The following MSI2 variants were observed in gnomAD, a reference collection of about 807,000 sequenced individuals.
MSI2 encodes the protein musashi RNA binding protein 2.
MSI2 carries 17 observed loss-of-function variants against 45.6 expected under a neutral mutation model. The observed-to-expected ratio is 0.37, with a 90% CI of 0.26 to 0.56. The LOEUF is 0.56. Ranked by LOEUF, MSI2 falls within the 20% of genes least tolerant of loss-of-function variation. The pLI, the probability that MSI2 is intolerant of heterozygous loss-of-function variation, is 0.77. For missense variants in MSI2, 293 were observed against 444.2 expected, an observed-to-expected ratio of 0.66 and a Z score of 3.06; for synonymous variants, 156 against 158.2, an observed-to-expected ratio of 0.99 and a Z score of 0.11.
rs1913595356 is a variant in MSI2 at position 57,681,553 on chromosome 17, A to G, written c.*2036A>G. On this transcript the variant is annotated 3_prime_UTR_variant, in exon 14 of 14. Transcript: ENST00000284073. ...GGTAGGGCAAAAGCATCTTCAAACTAAAGACTCCAAAATGCTAACTCAGAA... is the reference window on the plus strand; with the variant it reads ...GGTAGGGCAAAAGCATCTTCAAACTGAAGACTCCAAAATGCTAACTCAGAA... The G allele has an allele frequency of 1.1e-5, 2 of 182,432 alleles. 1 individual carries two copies. The allele number at this position is 182,432 out of a possible 1,614,324, so 11.3% of individuals were successfully genotyped here. A position where few individuals can be genotyped will look rare whatever the true frequency, so the allele number is the denominator to read the frequency against.
intron 7 of MSI2, among the ~76,000 whole-genome samples, chr17:57,546,201 C>A (rs181210871): frequency 6.6e-6 from 1 of 152,142 alleles, no homozygotes; most frequent in Non-Finnish European, 1.5e-5. Flanking sequence ...AGACAAGGTT[C>A]GGTGGTAATG....
At chr17:57,661,518 A>G (rs953003457) in intron 11 of MSI2, among the ~76,000 whole-genome samples, 1 of 152,116 alleles carries the variant, frequency 6.6e-6, no homozygotes, top group African/African-American at 2.4e-5. Context: ...CCATCTAAAG[A>G]AGATAAGCCT....
intron 5 of MSI2, among the ~76,000 whole-genome samples, chr17:57,384,867 A>C (rs1211314519): frequency 6.6e-6 from 1 of 152,204 alleles, no homozygotes; most frequent in Non-Finnish European, 1.5e-5. Flanking sequence ...TAACATACTC[A>C]AAGTGAACAC....
At chr17:57,573,844 T>C (rs2087943207) in intron 7 of MSI2, among the ~76,000 whole-genome samples, 1 of 152,178 alleles carries the variant, frequency 6.6e-6, no homozygotes, top group Admixed American at 6.5e-5. Context: ...AGCATCTGAT[T>C]CCTCATTTGT....
chr17:57,643,201 C>A (rs1286651167), intron 10 of MSI2, among the ~76,000 whole-genome samples: 1 of 152,142 alleles, frequency 6.6e-6, no homozygotes, highest in Non-Finnish European at 1.5e-5. Context: ...GGAGGAATTT[C>A]CGTGGAATTC....
chr17:57,449,019 G>T (rs2084949300), intron 6 of MSI2: 1 of 152,256 alleles, frequency 6.6e-6, no homozygotes, highest in African/African-American at 2.4e-5. Flanking sequence ...ATCATGAGCG[G>T]CATCATGATT....
chr17:57,668,618 AC>A (rs1169766355), intron 11 of MSI2, among the ~76,000 whole-genome samples: 2 of 69,146 alleles, frequency 2.9e-5, no homozygotes, highest in African/African-American at 1.4e-4. Context: ...GCATGCACAG[AC>A]AACTCACCAT....
chr17:57,256,305 C>T (rs917322906), upstream of MSI2, among the ~76,000 whole-genome samples: 5 of 151,542 alleles, frequency 3.3e-5, no homozygotes, highest in African/African-American at 1.2e-4. Flanking sequence ...GGGGTTCGCG[C>T]GCCACCCTTG....
At chr17:57,464,921 T>C (rs1430877401) in intron 6 of MSI2, among the ~76,000 whole-genome samples, 2 of 152,190 alleles carry the variant, frequency 1.3e-5, no homozygotes, top group African/African-American at 4.8e-5. Context: ...TGAGATACTG[T>C]CGTGAAAGCC....
chr17:57,518,528 G>T (rs895814617), intron 6 of MSI2, among the ~76,000 whole-genome samples: 1 of 152,310 alleles, frequency 6.6e-6, no homozygotes, highest in Non-Finnish European at 1.5e-5. Flanking sequence ...TCCCTGGTTC[G>T]GTCAGAGTCG....
intron 7 of MSI2, among the ~76,000 whole-genome samples, chr17:57,574,828 C>CTTT (rs34704876): frequency 8.0e-4 from 103 of 128,394 alleles, no homozygotes; most frequent in Middle Eastern, 4.6e-3. Flanking sequence ...CTCTCTCTCT[C>CTTT]TTTTTTTTTT....
intron 6 of MSI2, among the ~76,000 whole-genome samples, chr17:57,502,742 G>T (rs564941994): frequency 6.6e-6 from 1 of 150,734 alleles, no homozygotes; most frequent in Non-Finnish European, 1.5e-5. Context: ...GGCTGTTTGC[G>T]TGTTTGTGCA....
At chr17:57,568,423 G>C (rs1474069667) in intron 7 of MSI2, among the ~76,000 whole-genome samples, 1 of 152,140 alleles carries the variant, frequency 6.6e-6, no homozygotes, top group Non-Finnish European at 1.5e-5. Context: ...TCCTGTCTCA[G>C]TCCCCAGATC....
intron 5 of MSI2, among the ~76,000 whole-genome samples, chr17:57,355,271 G>A (rs1465503471): frequency 6.6e-6 from 1 of 152,154 alleles, no homozygotes; most frequent in Non-Finnish European, 1.5e-5. Context: ...ATAGGAGCTT[G>A]GCAGCTCCCA....
At chr17:57,400,736 G>A (rs752391001) in intron 5 of MSI2, among the ~76,000 whole-genome samples, 1 of 152,040 alleles carries the variant, frequency 6.6e-6, no homozygotes. Context: ...CAGGAGTGGA[G>A]AGGCACCCCA....
At chr17:57,490,496 C>A (rs1173345267) in intron 6 of MSI2, among the ~76,000 whole-genome samples, 2 of 152,190 alleles carry the variant, frequency 1.3e-5, no homozygotes, top group Non-Finnish European at 2.9e-5. Context: ...GAAGGTAGAC[C>A]TCTGCTTTGA....
chr17:57,409,225 T>G (rs2143172582), intron 6 of MSI2, among the ~76,000 whole-genome samples: 1 of 152,328 alleles, frequency 6.6e-6, no homozygotes, highest in East Asian at 1.9e-4. Flanking sequence ...AAACCAATCA[T>G]GAGGCACACG....
intron 6 of MSI2, among the ~76,000 whole-genome samples, chr17:57,507,163 C>A (rs1319189757): frequency 2.7e-5 from 3 of 109,308 alleles, no homozygotes; most frequent in Non-Finnish European, 3.7e-5. Flanking sequence ...CTATCTGTTT[C>A]TCTGTGTGTG....
At chr17:57,294,022 A>G (rs17833943) in intron 5 of MSI2, among the ~76,000 whole-genome samples, 15,468 of 149,394 alleles carry the variant, frequency 0.1, 969 homozygotes, top group Non-Finnish European at 0.15. Context: ...TTCCTCTGTC[A>G]CCTTGTGTGC....
Sources: gnomAD v4.1 joint callset for allele counts (sites outside exome capture counted in the v4.1 genomes callset) on GRCh38, gnomAD v4.1.1 for gene constraint, MANE v1.5 for transcripts, NCBI Gene and HGNC (gene_info 2026-07-23, HGNC 2026-07-21) for gene names.